The following NKAIN2 variants were observed in gnomAD, a reference collection of about 807,000 sequenced individuals.
The protein encoded by NKAIN2 is sodium/potassium transporting ATPase interacting 2, also known as sodium/potassium-transporting ATPase subunit beta-1-interacting protein 2.
NKAIN2 carries 14 observed loss-of-function variants against 32.6 expected under a neutral mutation model. The ratio of observed to expected loss-of-function variants is 0.43; its 90% CI spans 0.28 to 0.67. The LOEUF (loss-of-function observed/expected upper bound fraction) is 0.67. Ranked by LOEUF, NKAIN2 falls within the 30% of genes least tolerant of loss-of-function variation. The pLI, the probability that NKAIN2 is intolerant of heterozygous loss-of-function variation, is 0.17. For synonymous variants in NKAIN2, 80 were observed against 87.2 expected, an observed-to-expected ratio of 0.92 and a Z score of 0.46; for missense variants, 198 against 258.3, an observed-to-expected ratio of 0.77 and a Z score of 1.60.
intron 5 of NKAIN2, among the ~76,000 whole-genome samples, chr6:124,806,961 C>A (rs1168738267): frequency 6.6e-6 from 1 of 152,118 alleles, no homozygotes; most frequent in Admixed American, 6.5e-5. Context: ...TATATGCATC[C>A]AATACAGGAG....
intron 1 of NKAIN2, among the ~76,000 whole-genome samples, chr6:123,986,004 C>T (rs1779119504): frequency 6.6e-6 from 1 of 152,148 alleles, no homozygotes; most frequent in South Asian, 2.1e-4. Context: ...TGGGATTATA[C>T]TTGCAAATTT....
At chr6:124,328,057 C>T (rs1188788513) in intron 2 of NKAIN2, among the ~76,000 whole-genome samples, 3 of 151,928 alleles carry the variant, frequency 2.0e-5, no homozygotes, top group African/African-American at 7.3e-5. Flanking sequence ...TAAGTGTACA[C>T]AGGGAATTAA....
intron 4 of NKAIN2, among the ~76,000 whole-genome samples, chr6:124,682,603 T>C (rs1176784318): frequency 6.6e-6 from 1 of 152,104 alleles, no homozygotes; most frequent in Admixed American, 6.6e-5. Flanking sequence ...TAACATCAAC[T>C]TCAATCCGGA....
chr6:123,876,243 T>G (rs180893583), intron 1 of NKAIN2, among the ~76,000 whole-genome samples: 1 of 152,328 alleles, frequency 6.6e-6, no homozygotes, highest in East Asian at 1.9e-4. Context: ...AAAATTATTT[T>G]TATGTTTCTC....
At chr6:124,605,449 G>A (rs1293843409) in intron 3 of NKAIN2, among the ~76,000 whole-genome samples, 3 of 152,158 alleles carry the variant, frequency 2.0e-5, no homozygotes, top group African/African-American at 7.2e-5. Flanking sequence ...AACAATATGA[G>A]ACTATGTACA....
chr6:124,819,172 AAAGT>A, intron 6 of NKAIN2: 6 of 876,554 alleles, frequency 6.8e-6, no homozygotes, highest in Non-Finnish European at 8.2e-6. Flanking sequence ...ATCAAAATAG[AAAGT>A]AAGATTCCAA....
At chr6:124,713,902 G>T (rs1775620709) in intron 4 of NKAIN2, among the ~76,000 whole-genome samples, 1 of 152,186 alleles carries the variant, frequency 6.6e-6, no homozygotes, top group South Asian at 2.1e-4. Flanking sequence ...ATAGGGTCAG[G>T]GGTGATTAAA....
intron 1 of NKAIN2, among the ~76,000 whole-genome samples, chr6:124,226,606 C>G (rs1320051406): frequency 6.6e-6 from 1 of 151,750 alleles, no homozygotes; most frequent in Non-Finnish European, 1.5e-5. Flanking sequence ...TCTTCCTCCC[C>G]CTCCTCTCCT....
chr6:124,169,226 A>C (rs1788723818), intron 1 of NKAIN2, among the ~76,000 whole-genome samples: 1 of 152,180 alleles, frequency 6.6e-6, no homozygotes, highest in African/African-American at 2.4e-5. Flanking sequence ...TCTTGCTGAT[A>C]ATAAATATAC....
intron 3 of NKAIN2, among the ~76,000 whole-genome samples, chr6:124,467,383 A>G (rs907301841): frequency 2.6e-5 from 4 of 152,140 alleles, no homozygotes; most frequent in African/African-American, 9.6e-5. Flanking sequence ...ATAGTCTGAA[A>G]AAATGTTGAA....
chr6:124,037,667 C>T (rs368088667), intron 1 of NKAIN2, among the ~76,000 whole-genome samples: 1 of 152,080 alleles, frequency 6.6e-6, no homozygotes, highest in African/African-American at 2.4e-5. Flanking sequence ...TTTGTTGACC[C>T]TTGGGTGCCA....
intron 1 of NKAIN2, among the ~76,000 whole-genome samples, chr6:124,098,588 G>T (rs950543044): frequency 3.3e-5 from 5 of 152,056 alleles, no homozygotes; most frequent in Admixed American, 2.6e-4. Flanking sequence ...AAAAATGAGT[G>T]GGCCGGGCAT....
intron 1 of NKAIN2, among the ~76,000 whole-genome samples, chr6:123,995,980 G>A (rs2114700072): frequency 6.6e-6 from 1 of 152,080 alleles, no homozygotes; most frequent in African/African-American, 2.4e-5. Context: ...TCAACAAATT[G>A]GTTTGCAATC....
At chr6:124,020,592 A>C (rs1780817856) in intron 1 of NKAIN2, among the ~76,000 whole-genome samples, 1 of 152,106 alleles carries the variant, frequency 6.6e-6, no homozygotes, top group Admixed American at 6.6e-5. Flanking sequence ...AGTAGACTAC[A>C]TCACTAAAGC....
intron 1 of NKAIN2, among the ~76,000 whole-genome samples, chr6:124,037,631 G>T (rs549789687): frequency 1.3e-5 from 2 of 152,204 alleles, no homozygotes; most frequent in South Asian, 2.1e-4. Flanking sequence ...GACAGATTTG[G>T]AAATGACATA....
chr6:124,387,993 G>T (rs190669535), intron 3 of NKAIN2, among the ~76,000 whole-genome samples: 1 of 151,994 alleles, frequency 6.6e-6, no homozygotes, highest in Admixed American at 6.6e-5. Context: ...TAAGGAGAAG[G>T]TGCTACTATC....
chr6:123,808,021 G>A (rs1025342139), intron 1 of NKAIN2, among the ~76,000 whole-genome samples: 3 of 152,058 alleles, frequency 2.0e-5, no homozygotes, highest in Non-Finnish European at 4.4e-5. Context: ...TTAAGATGTT[G>A]TGAGTGTAGA....
intron 3 of NKAIN2, among the ~76,000 whole-genome samples, chr6:124,569,414 G>T (rs1781040922): frequency 6.6e-6 from 1 of 151,684 alleles, no homozygotes; most frequent in African/African-American, 2.4e-5. Flanking sequence ...TGCATCTTCT[G>T]TACACCCTCC....
chr6:124,430,066 C>A (rs1325341445), intron 3 of NKAIN2, among the ~76,000 whole-genome samples: 2 of 152,106 alleles, frequency 1.3e-5, no homozygotes, highest in Non-Finnish European at 2.9e-5. Context: ...TTTCAAAATT[C>A]TGCAACAACC....
Sources: allele counts gnomAD v4.1 joint callset (sites outside exome capture counted in the v4.1 genomes callset), GRCh38; gene constraint gnomAD v4.1.1; transcripts MANE v1.5; gene names NCBI Gene and HGNC (gene_info 2026-07-23, HGNC 2026-07-21).